The following ZNF641 variants were observed in gnomAD, a reference collection of about 807,000 sequenced individuals.
ZNF641 encodes the protein zinc finger protein 641.
Under a neutral mutation model 46.2 loss-of-function variants are expected in ZNF641, and 26 were observed. The observed-to-expected ratio is 0.56, with a 90% CI of 0.41 to 0.78. The LOEUF is 0.78. Ranked by LOEUF, ZNF641 falls within the 30% of genes least tolerant of loss-of-function variation. ZNF641 has a pLI of 0.00. For missense variants in ZNF641, 469 were observed against 517.8 expected, an observed-to-expected ratio of 0.91 and a Z score of 0.91; for synonymous variants, 163 against 187.9, an observed-to-expected ratio of 0.87 and a Z score of 1.09.
intron 3 of ZNF641, 67 bp from the exon 4 acceptor site, chr12:48,345,541 G>A (rs1952845765): frequency 1.3e-6 from 2 of 1,598,686 alleles, no homozygotes; most frequent in Admixed American, 1.7e-5. Context: ...CAGTATGAAA[G>A]GCTAAGTTAG....
chr12:48,349,182 AAG>A lies in ZNF641; in HGVS notation c.-25-1069_-25-1068del, dbSNP rs574293531. 4.6e-5 allele frequency among the ~76,000 whole-genome samples: 7 copies of A among 152,286 alleles called. No individual in the cohort carries two copies. The South Asian group carries it at 1.5e-3, about 32-fold the overall frequency. On this transcript the variant is annotated intron_variant, in intron 1 of 5. Transcript: ENST00000547026. ...AAAAAATGGGTCTTGATTGCAAGAG[AAG>A]AGATTTAGGTTATTTTTTTTTAATT...
Position 48,344,645 on chromosome 12 carries a change from G to T in ZNF641, c.474C>A (p.Asp158Glu), listed in dbSNP as rs1952814470. 12 of 1,613,784 alleles carry T rather than the reference G, an allele frequency of 7.4e-6. No individual in the cohort carries two copies. The highest frequency in any genetic ancestry group is 3.3e-4 in the Middle Eastern group (2 of 6,062). Reference sequence around the variant, plus strand: ...TGTCCCTCTCCTCTAAGTCCTGGGGGTCAGGGACCCATTGTTCTTCTCCTC... The same window carrying T: ...TGTCCCTCTCCTCTAAGTCCTGGGGTTCAGGGACCCATTGTTCTTCTCCTC... The part of the protein sequence containing the change: ...LEGGEEQWVP[D>E]PQDLEERDIL... The change falls in exon 5 of 6, where the codon GAC becomes GAA. Residue 158 changes from aspartate (D) to glutamate (E), a missense_variant. Transcript: ENST00000547026.
rs371962306 is a variant in ZNF641, at chr12:48,347,708, C to T, written c.184+199G>A. ...TGTGGAGGGAGTAATTATGAAGAAACAAGAGAAGCCCAGTTGCATGGTTTG... is the reference window on the plus strand; with the variant it reads ...TGTGGAGGGAGTAATTATGAAGAAATAAGAGAAGCCCAGTTGCATGGTTTG... On this transcript the variant is annotated intron_variant, in intron 2 of 5. Coordinates refer to ENST00000547026, the MANE Select transcript of ZNF641 (RefSeq NM_001172681.2). Among the ~76,000 whole-genome samples the T allele has an allele frequency of 1.5e-4, 23 of 152,320 alleles. No homozygotes were observed. In the East Asian group the frequency reaches 3.9e-3, roughly 26 times the overall value.
At chr12:48,348,670 C>T (rs887542307) in intron 1 of ZNF641, among the ~76,000 whole-genome samples, 1 of 152,144 alleles carries the variant, frequency 6.6e-6, no homozygotes, top group Admixed American at 6.5e-5. Flanking sequence ...TTGGGACAAG[C>T]CTCAATAAAA....
chr12:48,340,800 A>G lies in ZNF641; in HGVS notation c.*2173T>C, dbSNP rs1952700245. On this transcript the variant is annotated 3_prime_UTR_variant, in exon 6 of 6. Transcript: ENST00000547026. ...GAACCATTGCTTATGCAGAGCTTTT[A>G]GTATTAAAGAGGGAGAGTAAAAGAA... 1.0e-6 allele frequency: 1 copy of G among 985,322 alleles called. No individual in the cohort carries two copies. The highest frequency in any genetic ancestry group is 1.1e-4 in the East Asian group (1 of 8,832). 61.0% of individuals were successfully genotyped at this position (985,322 alleles called of 1,614,324 possible).
chr12:48,350,334 C>T (rs544930503), intron 1 of ZNF641: 63 of 960,520 alleles, frequency 6.6e-5, no homozygotes, highest in Non-Finnish European at 1.7e-5. Context: ...AGAACCCTGG[C>T]CCCTGCCACG....
At chr12:48,344,440 G>T in intron 5 of ZNF641, 159 bp downstream of exon 5, 1 of 493,328 alleles carries the variant, frequency 2.0e-6, no homozygotes, top group East Asian at 3.3e-5. Context: ...CAAAGTGCCT[G>T]CTACATCATT....
chr12:48,350,189 T>C (rs934630736), intron 1 of ZNF641: 1 of 1,555,224 alleles, frequency 6.4e-7, no homozygotes. Context: ...CATTTCCCCC[T>C]TTTCTTCACA....
chr12:48,336,425 A>G (rs1952605182), downstream of ZNF641, among the ~76,000 whole-genome samples: 1 of 152,218 alleles, frequency 6.6e-6, no homozygotes, highest in Admixed American at 6.5e-5. Flanking sequence ...GGGCAACAAA[A>G]CAATCTGGCT....
In ZNF641 at chr12:48,340,478, A is replaced by G; in HGVS notation, c.*2495T>C. 2.0e-6 allele frequency: 2 copies of G among 985,388 alleles called. No individual in the cohort carries two copies. The highest frequency in any genetic ancestry group is 2.4e-6 in the Non-Finnish European group (2 of 829,934). 61.0% of individuals were successfully genotyped at this position (985,388 alleles called of 1,614,324 possible). On this transcript the variant is annotated 3_prime_UTR_variant, in exon 6 of 6. Coordinates refer to ENST00000547026, the MANE Select transcript of ZNF641 (RefSeq NM_001172681.2). ...TTTGAAAACCAGAGAGTAGAATGTA[A>G]GCAATACCCTTGTCGTAATTAAAGA...
rs1952740917 is a variant in ZNF641 at position 48,342,412 on chromosome 12, T to C, written c.*561A>G. ...TCACTATCTCTTGTTTCCTTGTTAC[T>C]CTCTAACCCAGTGTTCACCAGAGTG... is the stretch of plus-strand genomic sequence containing the variant. On this transcript the variant is annotated 3_prime_UTR_variant, in exon 6 of 6. Coordinates refer to ENST00000547026, the MANE Select transcript of ZNF641 (RefSeq NM_001172681.2). The C allele has an allele frequency of 1.0e-6, 1 of 986,124 alleles. No homozygotes were observed. Among genetic ancestry groups the C allele is most frequent in the East Asian group, 1.1e-4 (1 of 8,810 alleles). The allele number at this position is 986,124 out of a possible 1,614,324, so 61.1% of individuals were successfully genotyped here. A position where few individuals can be genotyped will look rare whatever the true frequency, so the allele number is the denominator to read the frequency against.
chr12:48,350,869 A>AGCCGGCG lies in ZNF641; in HGVS notation c.-116_-110dup, dbSNP rs1335653640. ...CCTCCGCCCTCCGCTTGCGTCTGGG[A>AGCCGGCG]GCCGGCGGCCGGCGGAGCCAGCGAC... On this transcript the variant is annotated 5_prime_UTR_variant, in exon 1 of 6. Coordinates refer to ENST00000547026, the MANE Select transcript of ZNF641 (RefSeq NM_001172681.2). The AGCCGGCG allele has an allele frequency of 1.1e-5, 11 of 984,798 alleles. No homozygotes were observed. Among genetic ancestry groups the AGCCGGCG allele is most frequent in the Non-Finnish European group, 1.3e-5 (11 of 829,782 alleles). The allele number at this position is 984,798 out of a possible 1,614,324, so 61.0% of individuals were successfully genotyped here.
Position 48,340,252 on chromosome 12 carries a change from T to A in ZNF641, c.*2721A>T. The A allele has an allele frequency of 1.0e-6, 1 of 985,448 alleles. No homozygotes were observed. The highest frequency in any genetic ancestry group is 1.2e-6 in the Non-Finnish European group (1 of 829,928). The allele number at this position is 985,448 out of a possible 1,614,324, so 61.0% of individuals were successfully genotyped here. A position where few individuals can be genotyped will look rare whatever the true frequency, so the allele number is the denominator to read the frequency against. On this transcript the variant is annotated 3_prime_UTR_variant, in exon 6 of 6. Transcript: ENST00000547026. The stretch of plus-strand genomic sequence containing the variant: ...TTCTGTAGAAGGCCCTTAGACTCCA[T>A]GATGCCTTTCAGCTGGGTGCTATAC...
At position 48,342,663 on chromosome 12, in the gene ZNF641, C is replaced by A. The variant is rs1952747372; in HGVS notation, c.*310G>T. On this transcript the variant is annotated 3_prime_UTR_variant, in exon 6 of 6. Coordinates refer to ENST00000547026, the MANE Select transcript of ZNF641 (RefSeq NM_001172681.2). ...TTAACAACTGGTATAGCATAGACTC[C>A]AACCAATCAGAATGGATTTCAGCCA... 2 of 690,230 alleles carry A rather than the reference C, an allele frequency of 2.9e-6. No homozygotes were observed. The highest frequency in any genetic ancestry group is 6.8e-5 in the South Asian group (2 of 29,338). The allele number at this position is 690,230 out of a possible 1,614,324, so 42.8% of individuals were successfully genotyped here.
intron 1 of ZNF641, chr12:48,350,306 G>C: frequency 2.4e-6 from 3 of 1,262,062 alleles, no homozygotes; most frequent in Non-Finnish European, 3.1e-6. Context: ...ACACGGACGA[G>C]TTGGCTCCGT....
chr12:48,350,042 G>C, intron 1 of ZNF641: 1 of 1,614,186 alleles, frequency 6.2e-7, no homozygotes, highest in Non-Finnish European at 8.5e-7. Context: ...GATGGGATGG[G>C]TACCTGTCCT....
At chr12:48,350,522 G>A (rs1439428218) in intron 1 of ZNF641, 1 of 168,860 alleles carries the variant, frequency 5.9e-6, no homozygotes, top group African/African-American at 2.4e-5. Context: ...AGCAAGTGAA[G>A]AGAAAGGGAG....
At chr12:48,350,097 C>T (rs764111895) in intron 1 of ZNF641, 4 of 1,614,104 alleles carry the variant, frequency 2.5e-6, no homozygotes, top group Non-Finnish European at 3.4e-6. Context: ...AGCACCTGGG[C>T]GGTTAAGGTG....
In ZNF641 at chr12:48,350,916, A is replaced by C. The variant is rs948324262; in HGVS notation, c.-156T>G. 5 of 960,800 alleles carry C rather than the reference A, an allele frequency of 5.2e-6. No homozygotes were observed. The highest frequency in any genetic ancestry group is 1.8e-5 in the African/African-American group (1 of 56,560). The allele number at this position is 960,800 out of a possible 1,614,324, so 59.5% of individuals were successfully genotyped here. A position where few individuals can be genotyped will look rare whatever the true frequency, so the allele number is the denominator to read the frequency against. On this transcript the variant is annotated 5_prime_UTR_variant, in exon 1 of 6. Transcript: ENST00000547026. ...CGACAGGCGGAGACGGCGGCCCGGC[A>C]GGCGCGGGCGGGGCGGGGCGGGCAC...
Sources: gnomAD v4.1 joint callset for allele counts (sites outside exome capture counted in the v4.1 genomes callset) on GRCh38, gnomAD v4.1.1 for gene constraint, MANE v1.5 for transcripts, NCBI Gene and HGNC (gene_info 2026-07-23, HGNC 2026-07-21) for gene names.